NUMB: variants seen among roughly 807,000 people sequenced by gnomAD.
The protein encoded by NUMB is NUMB endocytic adaptor protein.
Under a neutral mutation model 59.7 loss-of-function variants are expected in NUMB, and 29 were observed. The observed-to-expected ratio is 0.49, with a 90% CI of 0.36 to 0.66. The LOEUF is 0.66. NUMB is among the 30% of genes least tolerant of loss of function. The pLI is 0.00. For missense variants in NUMB, 723 were observed against 822.0 expected, an observed-to-expected ratio of 0.88 and a Z score of 1.47; for synonymous variants, 288 against 288.2, an observed-to-expected ratio of 1.00 and a Z score of 0.01.
At chr14:73,295,532 T>C (rs1889717683) in intron 7 of NUMB, among the ~76,000 whole-genome samples, 1 of 152,192 alleles carries the variant, frequency 6.6e-6, no homozygotes, top group Non-Finnish European at 1.5e-5. Context: ...AACAGTAATG[T>C]ACTAAAAGTG....
intron 2 of NUMB, among the ~76,000 whole-genome samples, chr14:73,385,917 GTTAC>G (rs1361208527): frequency 6.6e-6 from 1 of 152,112 alleles, no homozygotes; most frequent in African/African-American, 2.4e-5. Context: ...AAGGCCCACA[GTTAC>G]TTACTTCAAA....
chr14:73,353,640 A>T (rs1234349284), intron 4 of NUMB, among the ~76,000 whole-genome samples: 1 of 151,056 alleles, frequency 6.6e-6, no homozygotes, highest in Admixed American at 6.6e-5. Flanking sequence ...TGAACACAGG[A>T]GGCGGAGGTT....
At chr14:73,394,988 A>G (rs61194110) in intron 2 of NUMB, among the ~76,000 whole-genome samples, 2,195 of 147,930 alleles carry the variant, frequency 0.015, 51 homozygotes, top group African/African-American at 0.048. Context: ...TTCATCCACA[A>G]TGTTGCAAAT....
intron 2 of NUMB, among the ~76,000 whole-genome samples, chr14:73,388,538 T>G (rs1406047000): frequency 6.6e-6 from 1 of 152,178 alleles, no homozygotes; most frequent in East Asian, 1.9e-4. Flanking sequence ...TTATGGCTGA[T>G]CTAATTTAAA....
At position 73,323,210 on chromosome 14, in the gene NUMB, G is replaced by A. The variant is rs1482133940; in HGVS notation, c.127-6C>T. On this transcript the variant is annotated splice_region_variant and splice_polypyrimidine_tract_variant and intron_variant, in intron 4 of 12. Coordinates refer to ENST00000555238, the MANE Select transcript of NUMB (RefSeq NM_001005743.2). Reference sequence around the variant, plus strand: ...ACTTCTACATGGCCAAGGTACTGTAGAAAGAAGGAAAAGTTAGGGCTATTG... The same window carrying A: ...ACTTCTACATGGCCAAGGTACTGTAAAAAGAAGGAAAAGTTAGGGCTATTG... 2 of 1,606,044 alleles carry A rather than the reference G, an allele frequency of 1.2e-6. No individual in the cohort carries two copies. The highest frequency in any genetic ancestry group is 1.7e-6 in the Non-Finnish European group (2 of 1,173,142).
At chr14:73,386,787 T>C (rs1703701950) in intron 2 of NUMB, among the ~76,000 whole-genome samples, 1 of 151,928 alleles carries the variant, frequency 6.6e-6, no homozygotes, top group South Asian at 2.1e-4. Flanking sequence ...ATTTGATGTA[T>C]TGTTTTCAGC....
intron 2 of NUMB, among the ~76,000 whole-genome samples, chr14:73,401,513 A>G (rs1275439852): frequency 6.6e-6 from 1 of 151,944 alleles, no homozygotes; most frequent in Admixed American, 6.6e-5. Flanking sequence ...AAGGCACCAG[A>G]GCACATCCAT....
chr14:73,287,825 A>G (rs574775567), intron 8 of NUMB, among the ~76,000 whole-genome samples: 9 of 152,334 alleles, frequency 5.9e-5, no homozygotes, highest in Non-Finnish European at 1.2e-4. Flanking sequence ...CCTTGGGGTA[A>G]AGTGATAACC....
chr14:73,412,345 TG>T (rs1435568948), intron 1 of NUMB, among the ~76,000 whole-genome samples: 1 of 152,060 alleles, frequency 6.6e-6, no homozygotes, highest in Non-Finnish European at 1.5e-5. Context: ...TGAGGGGTCT[TG>T]GCTGGGCACG....
At chr14:73,314,502 G>A (rs767067616) in intron 6 of NUMB, among the ~76,000 whole-genome samples, 5 of 152,150 alleles carry the variant, frequency 3.3e-5, no homozygotes, top group Non-Finnish European at 7.3e-5. Flanking sequence ...CAGCTACAGT[G>A]TAGGTGCATC....
intron 1 of NUMB, among the ~76,000 whole-genome samples, chr14:73,437,952 A>G (rs183033254): frequency 4.0e-4 from 61 of 152,370 alleles, no homozygotes; most frequent in Non-Finnish European, 7.8e-4. Context: ...ATGTCCCACT[A>G]GTGACCAAAT....
At chr14:73,429,611 G>A (rs148092038) in intron 1 of NUMB, among the ~76,000 whole-genome samples, 1,603 of 152,150 alleles carry the variant, frequency 0.011, 22 homozygotes, top group Middle Eastern at 0.048. Flanking sequence ...TGGCAATTAC[G>A]AGTTTGGTGC....
At chr14:73,311,620 G>T (rs1382707774) in intron 6 of NUMB, among the ~76,000 whole-genome samples, 1 of 152,136 alleles carries the variant, frequency 6.6e-6, no homozygotes, top group African/African-American at 2.4e-5. Context: ...CAGAATCGGG[G>T]CAAACAATTC....
rs1170959840 is a variant in NUMB, at chr14:73,352,477, CATATATATATATATATATATATATAT to C, written c.126+3123_126+3148del. ...ACACACATACACACACACACACACA[CATATATATATATATATATATATATAT>C]ATATATATATATATATATATATATA... On this transcript the variant is annotated intron_variant, in intron 4 of 12. Transcript: ENST00000555238. 3.5e-3 allele frequency among the ~76,000 whole-genome samples: 44 copies of C among 12,694 alleles called. 1 individual carries two copies. The highest frequency in any genetic ancestry group is 0.027 in the South Asian group (4 of 148). The allele number at this position is 12,694 out of a possible 152,430, so 8.3% of individuals were successfully genotyped here. A position where few individuals can be genotyped will look rare whatever the true frequency, so the allele number is the denominator to read the frequency against.
At chr14:73,455,282 G>A (rs1884277068) in intron 1 of NUMB, among the ~76,000 whole-genome samples, 1 of 152,112 alleles carries the variant, frequency 6.6e-6, no homozygotes, top group Non-Finnish European at 1.5e-5. Flanking sequence ...AAGCTGCAAG[G>A]ATCTCTTTCA....
intron 1 of NUMB, among the ~76,000 whole-genome samples, chr14:73,439,388 TTTAGAG>T (rs757730775): frequency 2.6e-5 from 4 of 152,196 alleles, no homozygotes; most frequent in Non-Finnish European, 4.4e-5. Flanking sequence ...AAAGACCCAA[TTTAGAG>T]TTAAACATTC....
chr14:73,424,124 T>C (rs1897478772), intron 1 of NUMB, among the ~76,000 whole-genome samples: 1 of 151,948 alleles, frequency 6.6e-6, no homozygotes, highest in African/African-American at 2.4e-5. Context: ...ACAATTACTC[T>C]CTCTCTATAT....
chr14:73,433,079 C>T (rs1351035298), intron 1 of NUMB, among the ~76,000 whole-genome samples: 2 of 151,884 alleles, frequency 1.3e-5, no homozygotes, highest in African/African-American at 2.4e-5. Flanking sequence ...TGATGGCACA[C>T]GCCTGTAGTC....
chr14:73,416,480 T>C (rs2140143218), intron 1 of NUMB, among the ~76,000 whole-genome samples: 1 of 152,226 alleles, frequency 6.6e-6, no homozygotes, highest in African/African-American at 2.4e-5. Flanking sequence ...CATTTCAAAA[T>C]TATGCCCATC....
Sources: allele counts gnomAD v4.1 joint callset (sites outside exome capture counted in the v4.1 genomes callset), GRCh38; gene constraint gnomAD v4.1.1; transcripts MANE v1.5; gene names NCBI Gene and HGNC (gene_info 2026-07-23, HGNC 2026-07-21).